Variants in DHX36 observed in about 807,000 individuals in gnomAD.
DHX36 encodes the protein DEAH-box helicase 36, also known as ATP-dependent DNA/RNA helicase DHX36.
A neutral mutation model predicts 139.0 loss-of-function variants in DHX36; 50 were observed. The ratio of observed to expected loss-of-function variants is 0.36; its 90% CI spans 0.29 to 0.46. DHX36 has a LOEUF of 0.46. DHX36 is among the 20% of genes least tolerant of loss of function. The pLI is 1.00. For synonymous variants in DHX36, 425 were observed against 401.9 expected (o/e 1.06, Z -0.69); for missense variants, 1,024 against 1,211.3 (o/e 0.85, Z 2.29).
rs761541315 is a variant in DHX36, at chr3:154,301,103, G to C, written c.1242C>G (p.His414Gln). Residue 414 changes from histidine (H) to glutamine (Q), a missense_variant, in exon 10 of 25, where the codon CAC becomes CAG. Around this residue, in one of 4 missense-constraint regions of DHX36, gnomAD observed 115 missense variants for 105.6 expected, o/e 1.09. Coordinates refer to ENST00000496811, the MANE Select transcript of DHX36 (RefSeq NM_020865.3). ...KIRYVPEQKE[H>Q]RSQFKRGFMQ... ...TGAAACCCCTCTTAAACTGGGATCT[G>C]TGTTCTTTTTGTTCTGGAACATACC... 1.2e-6 allele frequency: 2 copies of C among 1,603,618 alleles called. No homozygotes were observed. Among genetic ancestry groups the C allele is most frequent in the Admixed American group, 3.5e-5 (2 of 57,098 alleles).
chr3:154,284,741 G>T, intron 18 of DHX36, 72 bp from the exon 19 acceptor site: 1 of 1,591,654 alleles, frequency 6.3e-7, no homozygotes, highest in South Asian at 1.1e-5. Context: ...CTAATAAAAC[G>T]CTAATGAAAA....
Position 154,314,038 on chromosome 3 carries a change from G to T in DHX36, c.603+1008C>A, listed in dbSNP as rs1440400834. On this transcript the variant is annotated intron_variant, in intron 3 of 24. Transcript: ENST00000496811. ...TACACATTTTTCTTTCTCTGAACTA[G>T]ATCAATCACCCATCTTTAGTATATG... Among the ~76,000 whole-genome samples, 4 of 152,254 alleles carry T rather than the reference G, an allele frequency of 2.6e-5. No individual in the cohort carries two copies. The East Asian group carries it at 7.7e-4, about 29-fold the overall frequency.
rs1711863117 is a variant in DHX36, at chr3:154,292,534, C to G, written c.1814+17G>C. 6.2e-7 allele frequency: 1 copy of G among 1,613,750 alleles called. No individual in the cohort carries two copies. Among genetic ancestry groups the G allele is most frequent in the Non-Finnish European group, 8.5e-7 (1 of 1,179,944 alleles). On this transcript the variant is annotated intron_variant, in intron 15 of 24. Transcript: ENST00000496811. ...TTTTGTGTGTTCTAAAAGCTTTGGA[C>G]AGAGTTCCCACCTTACCTTCCAGCT...
At chr3:154,309,856 TG>T (rs1559957134) in intron 4 of DHX36, 33 bp from the exon 5 acceptor site, 20 of 1,471,298 alleles carry the variant, frequency 1.4e-5, no homozygotes, top group Middle Eastern at 4.0e-4. Context: ...GAATATCACA[TG>T]TTGACTAAGT....
At chr3:154,291,691 G>A (rs1711817958) in intron 15 of DHX36, among the ~76,000 whole-genome samples, 1 of 152,126 alleles carries the variant, frequency 6.6e-6, no homozygotes, top group Non-Finnish European at 1.5e-5. Context: ...GTTGATAAAT[G>A]GCCTGTAAAG....
At chr3:154,321,578 T>A (rs1713186634) in intron 1 of DHX36, among the ~76,000 whole-genome samples, 3 of 152,222 alleles carry the variant, frequency 2.0e-5, no homozygotes, top group Non-Finnish European at 4.4e-5. Context: ...TATTAATTAA[T>A]ACAGTGCTTA....
intron 17 of DHX36, among the ~76,000 whole-genome samples, chr3:154,288,004 T>C (rs893057629): frequency 6.6e-6 from 1 of 152,016 alleles, no homozygotes; most frequent in African/African-American, 2.4e-5. Flanking sequence ...GGAGTTTAAG[T>C]GGTTTGCAAC....
chr3:154,276,797 C>T lies in DHX36; in HGVS notation c.2791G>A (p.Asp931Asn). The T allele has an allele frequency of 6.2e-7, 1 of 1,613,926 alleles. No homozygotes were observed. The highest frequency in any genetic ancestry group is 8.5e-7 in the Non-Finnish European group (1 of 1,179,936). Reference protein sequence around the residue: ...KDNDQETIAVDEWIVFQSPAR... With the variant: ...KDNDQETIAVNEWIVFQSPAR... ...GGAGACTGAAATACAATCCACTCATCTACAGCAATAGTTTCCTGATCGTTA... is the reference window on the plus strand; with the variant it reads ...GGAGACTGAAATACAATCCACTCATTTACAGCAATAGTTTCCTGATCGTTA... The change falls in exon 24 of 25, where the codon GAT becomes AAT. Residue 931 changes from aspartate (D) to asparagine (N), a missense_variant. By Grantham distance (23) the Asp-to-Asn change is conservative. Around this residue, in one of 4 missense-constraint regions of DHX36, gnomAD observed 470 missense variants for 616.2 expected, o/e 0.76. Coordinates refer to ENST00000496811, the MANE Select transcript of DHX36 (RefSeq NM_020865.3).
intron 1 of DHX36, among the ~76,000 whole-genome samples, chr3:154,316,959 AAC>A (rs1188510680): frequency 6.6e-6 from 1 of 152,092 alleles, no homozygotes; most frequent in Non-Finnish European, 1.5e-5. Flanking sequence ...GGCAAAAGGA[AAC>A]ACACGCGGAG....
chr3:154,297,321 T>C (rs1474672486), intron 12 of DHX36, among the ~76,000 whole-genome samples: 2 of 152,256 alleles, frequency 1.3e-5, no homozygotes, highest in African/African-American at 4.8e-5. Flanking sequence ...TTCTTGCTTA[T>C]ACATTTAGAA....
intron 22 of DHX36, chr3:154,278,870 C>A (rs1399959387): frequency 6.6e-6 from 1 of 152,096 alleles, no homozygotes; most frequent in Non-Finnish European, 1.5e-5. Context: ...AGAATAAAAC[C>A]AGAAATTATT....
intron 1 of DHX36, among the ~76,000 whole-genome samples, chr3:154,321,611 T>C (rs1323045486): frequency 6.6e-6 from 1 of 152,216 alleles, no homozygotes; most frequent in Admixed American, 6.5e-5. Context: ...AAAAATAATG[T>C]CCTCAATAAA....
Position 154,304,805 on chromosome 3 carries a change from C to A in DHX36, c.1135+1G>T. ...ATGTAATAACTATACATTTTACTCA[C>A]CAAAATATTCTGAAAACTTTTCTGC... On this transcript the variant is annotated splice_donor_variant, in intron 8 of 24. Transcript: ENST00000496811. LOFTEE classifies it high-confidence loss of function. The A allele has an allele frequency of 6.5e-7, 1 of 1,545,302 alleles. No homozygotes were observed. Among genetic ancestry groups the A allele is most frequent in the Non-Finnish European group, 8.7e-7 (1 of 1,151,716 alleles).
chr3:154,283,259 C>A lies in DHX36; in HGVS notation c.2305G>T (p.Ala769Ser). 6.2e-7 allele frequency: 1 copy of A among 1,613,318 alleles called. No homozygotes were observed. The highest frequency in any genetic ancestry group is 8.5e-7 in the Non-Finnish European group (1 of 1,179,342). The change falls in exon 20 of 25, where the codon GCT becomes TCT. Residue 769 changes from alanine to serine, a missense_variant. By Grantham distance (99) the Ala-to-Ser change is moderately conservative. Around this residue, in one of 4 missense-constraint regions of DHX36, gnomAD observed 470 missense variants for 616.2 expected, o/e 0.76. Transcript: ENST00000496811. ...TCGTATCTGAAACCACGTCGCCTAG[C>A]CTCTTCCCAGCCCTATGGGGCAAAG... ...VVNAFEGWEE[A>S]RRRGFRYEKD...
In DHX36 at chr3:154,272,895, T is replaced by C. The variant is rs1576850240; in HGVS notation, c.*3276A>G. Reference sequence around the variant, plus strand: ...ATTCATAACTTTTAGGGGAGGACTTTGTTTTAAAAATGCAGTAATAGAGAA... The same window carrying C: ...ATTCATAACTTTTAGGGGAGGACTTCGTTTTAAAAATGCAGTAATAGAGAA... On this transcript the variant is annotated 3_prime_UTR_variant, in exon 25 of 25. Transcript: ENST00000496811. The C allele has an allele frequency of 1.3e-5, 2 of 152,158 alleles. No individual in the cohort carries two copies. Among genetic ancestry groups the C allele is most frequent in the African/African-American group, 4.8e-5 (2 of 41,458 alleles). The allele number at this position is 152,158 out of a possible 1,614,324, so 9.4% of individuals were successfully genotyped here. A position where few individuals can be genotyped will look rare whatever the true frequency, so the allele number is the denominator to read the frequency against.
At chr3:154,291,907 C>A (rs1711831851) in intron 15 of DHX36, among the ~76,000 whole-genome samples, 1 of 152,198 alleles carries the variant, frequency 6.6e-6, no homozygotes, top group Non-Finnish European at 1.5e-5. Context: ...TTTTTCCTAT[C>A]ATTAAGACAG....
intron 1 of DHX36, among the ~76,000 whole-genome samples, chr3:154,319,929 T>C (rs1485985132): frequency 6.6e-6 from 1 of 151,274 alleles, no homozygotes; most frequent in Non-Finnish European, 1.5e-5. Context: ...CTATTTTTCT[T>C]CCTCATCTTC....
At position 154,309,773 on chromosome 3, in the gene DHX36, T is replaced by G. The variant is rs193282907; in HGVS notation, c.693A>C (p.Glu231Asp). 10 of 1,612,796 alleles carry G rather than the reference T, an allele frequency of 6.2e-6. No homozygotes were observed. The African/African-American group carries it at 1.3e-4, about 22-fold the overall frequency. The change falls in exon 5 of 25, where the codon GAA (glutamate) becomes GAC (aspartate). Residue 231 changes from glutamate (E) to aspartate (D), a missense_variant. Physicochemically the swap from Glu to Asp is conservative, Grantham distance 45. This residue lies in a region of DHX36 where 146 missense variants were observed against 215.0 expected (regional missense o/e 0.68). Transcript: ENST00000496811. ...CTTGAGTGGTTTTGCCACAACCAGT[T>G]TCACCACTTATTACTGTTACCTGAT... ...DNHQVTVISG[E>D]TGCGKTTQVT...
At chr3:154,323,668 G>A (rs1161923925) in intron 1 of DHX36, among the ~76,000 whole-genome samples, 1 of 152,148 alleles carries the variant, frequency 6.6e-6, no homozygotes, top group Non-Finnish European at 1.5e-5. Context: ...ACCTAGGTTT[G>A]CAGATAATTT....
Sources: allele counts gnomAD v4.1 joint callset (sites outside exome capture counted in the v4.1 genomes callset), GRCh38; gene constraint gnomAD v4.1.1; regional missense constraint gnomAD v4.1.1; transcripts MANE v1.5; gene names NCBI Gene and HGNC (gene_info 2026-07-23, HGNC 2026-07-21).